Variants in NOTCH4 observed in about 807,000 individuals in gnomAD.
NOTCH4 encodes notch receptor 4, also known as neurogenic locus notch homolog protein 4.
A neutral mutation model predicts 189.0 loss-of-function variants in NOTCH4; 138 were observed. The observed-to-expected ratio is 0.73, with a 90% confidence interval of 0.64 to 0.84. NOTCH4 has a LOEUF of 0.84. NOTCH4 is among the 40% of genes least tolerant of loss of function. The pLI is 0.00. For missense variants in NOTCH4, 2,286 were observed against 2,605.4 expected, an observed-to-expected ratio of 0.88 and a Z score of 2.67; for synonymous variants, 942 against 1,032.8, an observed-to-expected ratio of 0.91 and a Z score of 1.69.
In NOTCH4 at chr6:32,198,414, CACAT is replaced by C. The variant is rs769509644; in HGVS notation, c.4756+3_4756+6del. 6.2e-7 allele frequency: 1 copy of C among 1,607,582 alleles called. No homozygotes were observed. ...TTTTTTTTCTTGGTCTGGGTTGACT[CACAT>C]ACCAGGTCCACGGGTGTCCAGGTCA... On this transcript the variant is annotated splice_donor_5th_base_variant and intron_variant, in intron 26 of 29. Transcript: ENST00000375023. The surrounding 1 kb of genome is among the most constrained non-coding windows in gnomAD (Gnocchi z 5.5).
chr6:32,195,278 G>C lies in NOTCH4; in HGVS notation c.*159C>G, dbSNP rs764512802. On this transcript the variant is annotated 3_prime_UTR_variant, in exon 30 of 30. Coordinates refer to ENST00000375023, the MANE Select transcript of NOTCH4 (RefSeq NM_004557.4). This position sits in a 1 kb window ranked among gnomAD's most constrained non-coding sequence, Gnocchi z 5.4. ...CTTTCCAGAGCTGCAGCTTCTCCAC[G>C]TGGAAGATGTCTGCTCTGGTGGGCA... 2.9e-6 allele frequency: 2 copies of C among 679,810 alleles called. No homozygotes were observed. The highest frequency in any genetic ancestry group is 2.4e-6 in the Non-Finnish European group (1 of 418,516). 42.1% of individuals were successfully genotyped at this position (679,810 alleles called of 1,614,324 possible).
chr6:32,221,032 AG>A lies in NOTCH4; in HGVS notation c.744del (p.Cys249AlafsTer3). The A allele has an allele frequency of 6.2e-7, 1 of 1,610,092 alleles. No individual in the cohort carries two copies. The highest frequency in any genetic ancestry group is 8.5e-7 in the Non-Finnish European group (1 of 1,177,402). On this transcript the variant is annotated frameshift_variant, in exon 4 of 30. Coordinates refer to ENST00000375023, the MANE Select transcript of NOTCH4 (RefSeq NM_004557.4). LOFTEE classifies it high-confidence loss of function. This position sits in a 1 kb window ranked among gnomAD's most constrained non-coding sequence, Gnocchi z 4.3. ...GAGTCTTTCTCTGGCATCAGCTGGC[AG>A]GTGCCCCCATTCGAACAGCCCCTAG... The part of the protein sequence containing the change: ...CPPRGCSNGG[T>X]CQLMPEKDST...
At chr6:32,211,777 G>T (rs1046837227) in intron 17 of NOTCH4, among the ~76,000 whole-genome samples, 4 of 152,140 alleles carry the variant, frequency 2.6e-5, no homozygotes, top group African/African-American at 9.7e-5. Context: ...TGGCACTGAA[G>T]AAATTAGACC....
At chr6:32,215,991 A>G (rs1789379563) in intron 11 of NOTCH4, 1 of 148,484 alleles carries the variant, frequency 6.7e-6, no homozygotes, top group Non-Finnish European at 1.5e-5. Context: ...AATAGCTGGG[A>G]TTGCAGGCGC....
At position 32,221,357 on chromosome 6, in the gene NOTCH4, G is replaced by A. The variant is rs1389467015; in HGVS notation, c.452-32C>T. 2 of 1,552,610 alleles carry A rather than the reference G, an allele frequency of 1.3e-6. No individual in the cohort carries two copies. Among genetic ancestry groups the A allele is most frequent in the South Asian group, 1.2e-5 (1 of 86,836 alleles). On this transcript the variant is annotated intron_variant, in intron 3 of 29. Transcript: ENST00000375023. This position sits in a 1 kb window ranked among gnomAD's most constrained non-coding sequence, Gnocchi z 4.3. ...CAGAGGACAGAGGGAGCCGTTTCTA[G>A]CATTGTACGAATTCTAGCCCATCTG...
chr6:32,201,185 G>C lies in NOTCH4; in HGVS notation c.4071C>G (p.Pro1357=). The change falls in exon 22 of 30, where the codon CCC becomes CCG. Residue 1357 remains proline, a synonymous_variant. Coordinates refer to ENST00000375023, the MANE Select transcript of NOTCH4 (RefSeq NM_004557.4). The surrounding 1 kb of genome is among the most constrained non-coding windows in gnomAD (Gnocchi z 5.5). ...GAGGGGCTGCTCTCTCCTGATAGGTGGGGTCCCGAGTTCCTCCTAGCTTTT... is the reference window on the plus strand; with the variant it reads ...GAGGGGCTGCTCTCTCCTGATAGGTCGGGTCCCGAGTTCCTCCTAGCTTTT... The part of the protein sequence containing the change: ...AEEKLGGTRD[P]TYQERAAPQT... 1.2e-6 allele frequency: 2 copies of C among 1,612,882 alleles called. No homozygotes were observed. The highest frequency in any genetic ancestry group is 1.7e-6 in the Non-Finnish European group (2 of 1,179,934).
Position 32,203,591 on chromosome 6 carries a change from T to C in NOTCH4, c.3231+179A>G, listed in dbSNP as rs114299952. 3,145 of 567,692 alleles carry C rather than the reference T, an allele frequency of 5.5e-3. 69 individuals are homozygous for C. Among genetic ancestry groups the C allele is most frequent in the African/African-American group, 0.055 (2,862 of 52,346 alleles). The allele number at this position is 567,692 out of a possible 1,614,324, so 35.2% of individuals were successfully genotyped here. ...TGAAAATTCCATTCATGCTATCAAC[T>C]GATCCTGCCTTGCCTTTGACTGCTT... On this transcript the variant is annotated intron_variant, in intron 20 of 29. Transcript: ENST00000375023.
Position 32,223,903 on chromosome 6 carries a change from AGC to A in NOTCH4, c.24_25del (p.Leu9AlafsTer51). On this transcript the variant is annotated frameshift_variant, in exon 1 of 30. Transcript: ENST00000375023. LOFTEE classifies it high-confidence loss of function. ...ACATAGCAGCAGCAGCAGCAGCAGC[AGC>A]AGCAGCAGTGAAGGGGGCTGCATTC... 1 of 1,584,384 alleles carries A rather than the reference AGC, an allele frequency of 6.3e-7. No individual in the cohort carries two copies. The highest frequency in any genetic ancestry group is 8.5e-7 in the Non-Finnish European group (1 of 1,169,850).
At position 32,211,433 on chromosome 6, in the gene NOTCH4, T is replaced by C. The variant is rs1177348072; in HGVS notation, c.2681-497A>G. Among the ~76,000 whole-genome samples, 49 of 116,996 alleles carry C rather than the reference T, an allele frequency of 4.2e-4. 1 individual carries two copies. Among genetic ancestry groups the C allele is most frequent in the African/African-American group, 1.6e-3 (47 of 29,466 alleles). The allele number at this position is 116,996 out of a possible 152,430, so 76.8% of individuals were successfully genotyped here. The stretch of plus-strand genomic sequence containing the variant: ...AATGAAACCCCATCTCTACTAAAAA[T>C]ACAAAAAAAAAAAAATTAGCTGGGC... On this transcript the variant is annotated intron_variant, in intron 17 of 29. Transcript: ENST00000375023.
intron 7 of NOTCH4, 119 bp from the exon 8 acceptor site, chr6:32,219,905 G>A: frequency 1.1e-6 from 1 of 910,282 alleles, no homozygotes; most frequent in Non-Finnish European, 1.7e-6. Flanking sequence ...TTGGGGAAGG[G>A]GCTTGTGTCT....
Position 32,200,165 on chromosome 6 carries a change from A to G in NOTCH4, c.4315+666T>C, listed in dbSNP as rs1036139863. ...TGGGGGAGGATTAAATGAGGTAACA[A>G]TGTAAAATGCTTAGAGTAAGGCACA... is the stretch of plus-strand genomic sequence containing the variant. On this transcript the variant is annotated intron_variant, in intron 23 of 29. Transcript: ENST00000375023. The surrounding 1 kb of genome is among the most constrained non-coding windows in gnomAD (Gnocchi z 5.0). Among the ~76,000 whole-genome samples the G allele has an allele frequency of 2.0e-5, 3 of 152,104 alleles. No homozygotes were observed. Among genetic ancestry groups the G allele is most frequent in the Non-Finnish European group, 4.4e-5 (3 of 68,020 alleles).
Position 32,198,921 on chromosome 6 carries a change from C to A in NOTCH4, c.4535+5G>T, listed in dbSNP as rs1788151578. The A allele has an allele frequency of 3.9e-6, 6 of 1,547,990 alleles. No homozygotes were observed. Among genetic ancestry groups the A allele is most frequent in the Non-Finnish European group, 5.2e-6 (6 of 1,148,122 alleles). On this transcript the variant is annotated splice_donor_5th_base_variant and intron_variant, in intron 24 of 29. Coordinates refer to ENST00000375023, the MANE Select transcript of NOTCH4 (RefSeq NM_004557.4). The surrounding 1 kb of genome is among the most constrained non-coding windows in gnomAD (Gnocchi z 5.5). ...TCCTGAGCCTGGGTTTCTCCTCATT[C>A]TCACTTGAGACCAATGCTGTCCTCG...
chr6:32,216,781 C>T, intron 11 of NOTCH4, 164 bp downstream of exon 11: 2 of 889,098 alleles, frequency 2.2e-6, no homozygotes, highest in Non-Finnish European at 3.6e-6. Context: ...GCCCTTGTCC[C>T]CATGGTTGTA....
At position 32,222,748 on chromosome 6, in the gene NOTCH4, G is replaced by T. The variant is rs752145572; in HGVS notation, c.214C>A (p.Gln72Lys). 21 of 1,612,500 alleles carry T rather than the reference G, an allele frequency of 1.3e-5. No homozygotes were observed. The highest frequency in any genetic ancestry group is 1.7e-5 in the Non-Finnish European group (20 of 1,179,354). The change falls in exon 3 of 30, where the codon CAG (glutamine) becomes AAG (lysine). Residue 72 changes from glutamine (Q) to lysine (K), a missense_variant. By Grantham distance (53) the Gln-to-Lys change is moderately conservative (BLOSUM62 1). Around this residue, in one of 2 missense-constraint regions of NOTCH4, gnomAD observed 1,903 missense variants for 2,261.9 expected, o/e 0.84. Transcript: ENST00000375023. ...CQFPDPCQNA[Q>K]LCQNGGSCQA... ...CAGCTGCCTCCATTTTGGCAGAGCT[G>T]GGCGTTCTGGCAGGGGTCAGGAAAC...
chr6:32,211,594 A>AAAATAAATAAATAAAT (rs55792395), intron 17 of NOTCH4, among the ~76,000 whole-genome samples: 1 of 137,174 alleles, frequency 7.3e-6, no homozygotes, highest in African/African-American at 2.8e-5. Flanking sequence ...CTCCATCTCA[A>AAAATAAATAAATAAAT]AAATAAATAA....
chr6:32,210,798 TGGCAA>T lies in NOTCH4; in HGVS notation c.2814_2818del (p.Cys939GlufsTer64), dbSNP rs1158014686. The T allele has an allele frequency of 6.2e-7, 1 of 1,613,086 alleles. No homozygotes were observed. On this transcript the variant is annotated frameshift_variant, in exon 18 of 30. Transcript: ENST00000375023. LOFTEE classifies it high-confidence loss of function. The surrounding 1 kb of genome is among the most constrained non-coding windows in gnomAD (Gnocchi z 4.8). ...CTGGGCCATGCAGGTGGCCCCGTTC[TGGCAA>T]GGCCTGGACTCACATGGGTTCACGT...
chr6:32,222,085 C>T (rs889482838), intron 3 of NOTCH4, among the ~76,000 whole-genome samples: 11 of 152,238 alleles, frequency 7.2e-5, no homozygotes, highest in African/African-American at 2.2e-4. Flanking sequence ...CTTCCCTTCC[C>T]GGTGCCCCTC....
Position 32,202,107 on chromosome 6 carries a change from C to T in NOTCH4, c.3724G>A (p.Gly1242Ser), listed in dbSNP as rs1484503160. The change falls in exon 21 of 30, where the codon GGC becomes AGC. Residue 1242 changes from glycine (G) to serine (S), a missense_variant. Transcript: ENST00000375023. This position sits in a 1 kb window ranked among gnomAD's most constrained non-coding sequence, Gnocchi z 5.7. ...GCTGGAGGGGTCTCACAGTCGTAGC[C>T]ATCAAACAGACACTCTTCAGAGTCA... ...QCDSEECLFD[G>S]YDCETPPACT... 2.0e-6 allele frequency: 3 copies of T among 1,495,372 alleles called. No homozygotes were observed. Among genetic ancestry groups the T allele is most frequent in the African/African-American group, 1.4e-5 (1 of 71,418 alleles). 92.6% of individuals were successfully genotyped at this position (1,495,372 alleles called of 1,614,324 possible). A position where few individuals can be genotyped will look rare whatever the true frequency, so the allele number is the denominator to read the frequency against.
At chr6:32,204,904 C>T (rs1024128043) in intron 18 of NOTCH4, among the ~76,000 whole-genome samples, 16 of 152,238 alleles carry the variant, frequency 1.1e-4, no homozygotes, top group Admixed American at 5.2e-4. Context: ...TTATCTCATT[C>T]GATTTTTACT....
Sources: gnomAD v4.1 joint callset for allele counts (sites outside exome capture counted in the v4.1 genomes callset) on GRCh38, gnomAD v4.1.1 for gene constraint, gnomAD v4.1.1 regional missense constraint, Gnocchi (gnomAD v3.1) non-coding constraint, MANE v1.5 for transcripts, NCBI Gene and HGNC (gene_info 2026-07-23, HGNC 2026-07-21) for gene names.